The following URGCP variants were observed in gnomAD, a reference collection of about 807,000 sequenced individuals.
URGCP encodes the protein up-regulator of cell proliferation.
In URGCP, 13 loss-of-function variants were observed where a neutral mutation model predicts 24.6. The observed-to-expected ratio is 0.53, with a 90% confidence interval of 0.34 to 0.84. The LOEUF (loss-of-function observed/expected upper bound fraction) is 0.84, where lower values mean the gene tolerates loss of function less well. Ranked by LOEUF, URGCP falls within the 40% of genes least tolerant of loss-of-function variation. The pLI is 0.01. For synonymous variants in URGCP, 444 were observed against 487.2 expected (o/e 0.91, Z 1.17); for missense variants, 899 against 1,194.3 (o/e 0.75, Z 3.64).
intron 3 of URGCP, among the ~76,000 whole-genome samples, chr7:43,885,406 A>G (rs1024230090): frequency 3.9e-5 from 6 of 152,148 alleles, no homozygotes; most frequent in Non-Finnish European, 8.8e-5. Context: ...TGGCCTGTAT[A>G]GTATACTTTA....
intron 1 of URGCP, among the ~76,000 whole-genome samples, chr7:43,898,980 G>GA (rs1319244836): frequency 9.4e-5 from 14 of 148,952 alleles, no homozygotes; most frequent in Non-Finnish European, 1.9e-4. Flanking sequence ...CTAAAAGTAC[G>GA]AAAATTAGCC....
At chr7:43,880,506 G>C (rs992571688) in intron 5 of URGCP, among the ~76,000 whole-genome samples, 2 of 152,164 alleles carry the variant, frequency 1.3e-5, no homozygotes, top group Non-Finnish European at 2.9e-5. Context: ...GCAGTGGTGT[G>C]ATCACAGCTT....
intron 1 of URGCP, among the ~76,000 whole-genome samples, chr7:43,903,248 T>C (rs2095894902): frequency 1.3e-5 from 2 of 152,188 alleles, no homozygotes; most frequent in South Asian, 2.1e-4. Context: ...TCAAGGCATA[T>C]TGTTGGGCAA....
rs145577339 is a variant in URGCP at position 43,884,084 on chromosome 7, A to T, written c.113-2127T>A. Among the ~76,000 whole-genome samples the T allele has an allele frequency of 4.1e-3, 631 of 152,308 alleles. 7 individuals carry two copies. The highest frequency in any genetic ancestry group is 0.015 in the African/African-American group (603 of 41,580). The stretch of plus-strand genomic sequence containing the variant: ...AGCTGGAGTCAGGAGTAACCTCCAG[A>T]CCCAGAGAAAATAGGGCCTTGCTTG... On this transcript the variant is annotated intron_variant, in intron 3 of 5. Coordinates refer to ENST00000453200, the MANE Select transcript of URGCP (RefSeq NM_001077663.3).
chr7:43,904,121 AT>A (rs1486856327), intron 1 of URGCP, among the ~76,000 whole-genome samples: 1 of 152,138 alleles, frequency 6.6e-6, no homozygotes, highest in Non-Finnish European at 1.5e-5. Context: ...AAATAGTTTC[AT>A]TTACCTTCAG....
intron 1 of URGCP, among the ~76,000 whole-genome samples, chr7:43,898,357 G>C (rs1358820044): frequency 1.3e-5 from 2 of 152,212 alleles, no homozygotes; most frequent in Non-Finnish European, 2.9e-5. Flanking sequence ...AATGGAAGGA[G>C]AGAGCTCCGA....
intron 3 of URGCP, among the ~76,000 whole-genome samples, chr7:43,886,748 G>A (rs1362147673): frequency 3.3e-5 from 5 of 151,616 alleles, no homozygotes; most frequent in Non-Finnish European, 7.4e-5. Flanking sequence ...GGCGAAACTT[G>A]GTCTCAAAAA....
chr7:43,925,091 A>C (rs904562402), intron 1 of URGCP, among the ~76,000 whole-genome samples: 1 of 152,146 alleles, frequency 6.6e-6, no homozygotes, highest in Non-Finnish European at 1.5e-5. Context: ...CCTGGATGAC[A>C]GTGAATGTGA....
At position 43,900,473 on chromosome 7, in the gene URGCP, AAAAAAAAAAAAAAG is replaced by A. The variant is rs1257518285; in HGVS notation, c.14+6075_14+6088del. 3.2e-4 allele frequency among the ~76,000 whole-genome samples: 42 copies of A among 133,182 alleles called. No individual in the cohort carries two copies. The East Asian group carries it at 8.2e-3, about 26-fold the overall frequency. 87.4% of individuals were successfully genotyped at this position (133,182 alleles called of 152,430 possible). ...CTGCCTCAAAAAAAACCAAAACAAA[AAAAAAAAAAAAAAG>A]AAAAAGAAAAAAAGTCACAATTCAG... On this transcript the variant is annotated intron_variant, in intron 1 of 5. Transcript: ENST00000453200.
chr7:43,895,369 T>TA (rs1286757735), intron 1 of URGCP, among the ~76,000 whole-genome samples: 1 of 152,130 alleles, frequency 6.6e-6, no homozygotes, highest in Non-Finnish European at 1.5e-5. Flanking sequence ...ATATCCCAGT[T>TA]AGAGTGGCTA....
intron 1 of URGCP, chr7:43,918,575 C>T (rs2095918335): frequency 2.4e-6 from 1 of 414,258 alleles, no homozygotes; most frequent in Admixed American, 3.6e-5. Flanking sequence ...GTCACCACAC[C>T]CAGACCCCAA....
intron 1 of URGCP, among the ~76,000 whole-genome samples, chr7:43,890,095 G>A (rs2095868273): frequency 6.6e-6 from 1 of 151,536 alleles, no homozygotes; most frequent in South Asian, 2.1e-4. Context: ...AATAGAGACA[G>A]GGTTTCACCA....
In URGCP at chr7:43,879,219, G is replaced by T; in HGVS notation, c.244C>A (p.Leu82Ile). Residue 82 changes from leucine to isoleucine, a missense_variant, in exon 6 of 6, where the codon CTA (leucine) becomes ATA (isoleucine). Coordinates refer to ENST00000453200, the MANE Select transcript of URGCP (RefSeq NM_001077663.3). Reference protein sequence around the residue: ...RLQEMLSLLGLETYQVQKLSL... With the variant: ...RLQEMLSLLGIETYQVQKLSL... ...AGTTTCTGGACCTGGTACGTCTCTA[G>T]GCCCAAAAGTGACAGCATTTCTTGA... 6.2e-7 allele frequency: 1 copy of T among 1,612,462 alleles called. No individual in the cohort carries two copies. The highest frequency in any genetic ancestry group is 1.3e-5 in the African/African-American group (1 of 74,936).
chr7:43,918,605 G>T, intron 1 of URGCP: 2 of 514,884 alleles, frequency 3.9e-6, no homozygotes, highest in Non-Finnish European at 7.1e-6. Context: ...TTCTTAAAGA[G>T]CGCTCAGCTT....
At chr7:43,914,466 CTG>C (rs1270346712) in intron 1 of URGCP, among the ~76,000 whole-genome samples, 1 of 152,182 alleles carries the variant, frequency 6.6e-6, no homozygotes, top group African/African-American at 2.4e-5. Flanking sequence ...GATCATACCA[CTG>C]TACTCCAGCC....
In URGCP at chr7:43,877,406, A is replaced by T. The variant is rs760396367; in HGVS notation, c.2057T>A (p.Leu686Gln). ...TGLLKELHVR[L>Q]ERRSRLVVLS... is the part of the protein sequence containing the mutation. ...AACCACCAGCCTTGACCGTCTCTCCAGTCGGACGTGCAGCTCCTTCAGGAG... is the reference window on the plus strand; with the variant it reads ...AACCACCAGCCTTGACCGTCTCTCCTGTCGGACGTGCAGCTCCTTCAGGAG... Residue 686 changes from leucine to glutamine, a missense_variant, in exon 6 of 6, where the codon CTG (leucine) becomes CAG (glutamine). By Grantham distance (113) the Leu-to-Gln change is moderately radical (BLOSUM62 -2). Coordinates refer to ENST00000453200, the MANE Select transcript of URGCP (RefSeq NM_001077663.3). The T allele has an allele frequency of 5.6e-6, 9 of 1,613,344 alleles. No individual in the cohort carries two copies. The highest frequency in any genetic ancestry group is 1.6e-4 in the Middle Eastern group (1 of 6,084).
intron 3 of URGCP, among the ~76,000 whole-genome samples, chr7:43,883,879 C>A (rs572873656): frequency 6.6e-6 from 1 of 152,290 alleles, no homozygotes; most frequent in East Asian, 1.9e-4. Context: ...AAGATCCACA[C>A]ACATCAACCA....
At chr7:43,916,362 T>C (rs939512813) in intron 1 of URGCP, among the ~76,000 whole-genome samples, 1 of 152,102 alleles carries the variant, frequency 6.6e-6, no homozygotes, top group Non-Finnish European at 1.5e-5. Context: ...CTCTCCCTTG[T>C]TGGAGAAGGA....
upstream of URGCP, chr7:43,926,415 C>A: frequency 4.3e-6 from 4 of 927,572 alleles, no homozygotes; most frequent in Non-Finnish European, 5.6e-6. Flanking sequence ...CCACAGTGCC[C>A]CGCGCGCGCA....
Sources: gnomAD v4.1 joint callset for allele counts (sites outside exome capture counted in the v4.1 genomes callset) on GRCh38, gnomAD v4.1.1 for gene constraint, MANE v1.5 for transcripts, NCBI Gene and HGNC (gene_info 2026-07-23, HGNC 2026-07-21) for gene names.